The following FUS variants were observed in gnomAD, a reference collection of about 807,000 sequenced individuals.
FUS encodes the protein FUS RNA binding protein, also known as RNA-binding protein FUS.
A neutral mutation model predicts 82.7 loss-of-function variants in FUS; 5 were observed. That is an observed-to-expected ratio of 0.06 (90% confidence interval 0.03 to 0.13). The LOEUF (loss-of-function observed/expected upper bound fraction) is 0.13. FUS is among the 10% of genes least tolerant of loss of function. The pLI is 1.00. For synonymous variants in FUS, 281 were observed against 247.4 expected (o/e 1.14, Z -1.27); for missense variants, 512 against 707.8 (o/e 0.72, Z 3.14).
intron 7 of FUS, 30 bp from the exon 8 acceptor site, chr16:31,188,295 T>A: frequency 6.2e-7 from 1 of 1,610,642 alleles, no homozygotes; most frequent in Non-Finnish European, 8.5e-7. Context: ...TTTTGTTTTT[T>A]TTTTGTTCTT....
chr16:31,187,263 A>C (rs1436016696), intron 7 of FUS: 2 of 304,518 alleles, frequency 6.6e-6, no homozygotes, highest in Non-Finnish European at 1.3e-5. Flanking sequence ...TAATTCTGGA[A>C]GAGGGATGTA....
chr16:31,192,117 G>T (rs368791717), downstream of FUS: 6 of 531,426 alleles, frequency 1.1e-5, no homozygotes, highest in Non-Finnish European at 2.2e-5. Context: ...CTTCCTAGCT[G>T]CCCTGGTGAA....
chr16:31,188,848 T>C (rs1425938474), intron 8 of FUS: 3 of 518,952 alleles, frequency 5.8e-6, no homozygotes, highest in South Asian at 4.5e-5. Context: ...GATGGACTTT[T>C]CTGTGTGGTC....
chr16:31,188,809 G>A lies in FUS; in HGVS notation c.833-314G>A, dbSNP rs1052030930. 5.3e-5 allele frequency: 25 copies of A among 474,342 alleles called. No individual in the cohort carries two copies. The Admixed American group carries it at 9.7e-4, about 18-fold the overall frequency. The allele number at this position is 474,342 out of a possible 1,614,324, so 29.4% of individuals were successfully genotyped here. A position where few individuals can be genotyped will look rare whatever the true frequency, so the allele number is the denominator to read the frequency against. Reference sequence around the variant, plus strand: ...AAAATGGGTTTCTTATTTAATTCGGGGACCTTCAACTGAAAGTTGATAAAT... The same window carrying A: ...AAAATGGGTTTCTTATTTAATTCGGAGACCTTCAACTGAAAGTTGATAAAT... On this transcript the variant is annotated intron_variant, in intron 8 of 14. Coordinates refer to ENST00000254108, the MANE Select transcript of FUS (RefSeq NM_004960.4).
At chr16:31,189,580 A>AT in intron 9 of FUS, 85 bp from the exon 10 acceptor site, 1 of 1,588,332 alleles carries the variant, frequency 6.3e-7, no homozygotes, top group Admixed American at 1.7e-5. Context: ...TTTGGGAATT[A>AT]TAAACCTCAT....
chr16:31,186,321 G>A (rs907063704), intron 6 of FUS: 4 of 309,096 alleles, frequency 1.3e-5, no homozygotes, highest in Non-Finnish European at 6.1e-6. Flanking sequence ...AGGGGAAGTT[G>A]CCTTTGGTTT....
downstream of FUS, chr16:31,194,740 C>T (rs548879161): frequency 8.3e-6 from 4 of 484,684 alleles, no homozygotes; most frequent in Admixed American, 9.2e-5. Context: ...TGAGAACATA[C>T]AAAGCCACTC....
At chr16:31,191,744 T>G, downstream of FUS, 1 of 635,116 alleles carries the variant, frequency 1.6e-6, no homozygotes, top group South Asian at 1.5e-5. Context: ...ATGATATCCT[T>G]GAGAGCAGAG....
downstream of FUS, chr16:31,193,726 C>T (rs1418881668): frequency 1.7e-5 from 9 of 531,608 alleles, no homozygotes; most frequent in South Asian, 6.1e-5. Flanking sequence ...AACATTGGTG[C>T]CTCTCAAGCC....
intron 14 of FUS, 69 bp from the exon 15 acceptor site, chr16:31,191,330 A>G (rs1373414081): frequency 1.9e-6 from 3 of 1,588,236 alleles, no homozygotes; most frequent in Non-Finnish European, 2.6e-6. Context: ...GGCAGATAGG[A>G]TATCTAGGCT....
intron 1 of FUS, among the ~76,000 whole-genome samples, chr16:31,181,466 C>G (rs1034149439): frequency 2.6e-5 from 4 of 152,128 alleles, no homozygotes; most frequent in Non-Finnish European, 5.9e-5. Context: ...GACTCGAGTA[C>G]CTGTTGACTT....
intron 7 of FUS, chr16:31,187,955 C>G (rs2144125341): frequency 3.0e-6 from 1 of 334,984 alleles, no homozygotes; most frequent in Non-Finnish European, 5.6e-6. Flanking sequence ...GAGCCCATCT[C>G]TCTTCTCTCG....
intron 3 of FUS, 89 bp from the exon 4 acceptor site, chr16:31,183,769 G>A (rs760734970): frequency 6.6e-6 from 10 of 1,510,820 alleles, no homozygotes; most frequent in Non-Finnish European, 9.2e-6. Flanking sequence ...CTGGCTTTAT[G>A]AGTATAGGTA....
At chr16:31,193,469 G>C (rs1174716287), downstream of FUS, 1 of 528,038 alleles carries the variant, frequency 1.9e-6, no homozygotes, top group Admixed American at 2.2e-5. Context: ...GCTTTGCCTA[G>C]CAGGATTCTA....
chr16:31,183,325 G>A (rs1423714513), intron 3 of FUS: 1 of 168,388 alleles, frequency 5.9e-6, no homozygotes, highest in Non-Finnish European at 1.3e-5. Flanking sequence ...TTGTGATTCT[G>A]TTTCCATTTA....
rs367552345 is a variant in FUS, at chr16:31,180,173, T to C, written c.-42T>C. On this transcript the variant is annotated 5_prime_UTR_variant, in exon 1 of 15. Coordinates refer to ENST00000254108, the MANE Select transcript of FUS (RefSeq NM_004960.4). The stretch of plus-strand genomic sequence containing the variant: ...TCCAGGCGTCGGTACTCAGCGGTGT[T>C]GGAACTTCGTTGCTTGCTTGCCTGT... 4 of 1,606,326 alleles carry C rather than the reference T, an allele frequency of 2.5e-6. No individual in the cohort carries two copies. Among genetic ancestry groups the C allele is most frequent in the Admixed American group, 1.7e-5 (1 of 58,782 alleles).
At chr16:31,194,473 T>C (rs1168358330), downstream of FUS, 2 of 500,652 alleles carry the variant, frequency 4.0e-6, no homozygotes, top group East Asian at 4.5e-5. Context: ...TTTTTTTGTA[T>C]TTTTTGTGGA....
rs751421706 is a variant in FUS at position 31,188,321 on chromosome 16, A to G, written c.800-4A>G. On this transcript the variant is annotated splice_region_variant and splice_polypyrimidine_tract_variant and intron_variant, in intron 7 of 14. Transcript: ENST00000254108. ...TTTTGTTCTTTTTTTCCATGTCACTAAAGGCCCTCGGGACCAAGGATCACG... is the reference window on the plus strand; with the variant it reads ...TTTTGTTCTTTTTTTCCATGTCACTGAAGGCCCTCGGGACCAAGGATCACG... 2.5e-6 allele frequency: 4 copies of G among 1,611,848 alleles called. No individual in the cohort carries two copies. In the South Asian group the frequency reaches 3.3e-5, roughly 13 times the overall value.
At chr16:31,191,202 G>A (rs914245792) in intron 14 of FUS, 92 bp downstream of exon 14, 1 of 1,549,280 alleles carries the variant, frequency 6.5e-7, no homozygotes, top group Non-Finnish European at 8.8e-7. Flanking sequence ...TCATTTTGAG[G>A]GCTAGGTGGA....
Sources: gnomAD v4.1 joint callset for allele counts (sites outside exome capture counted in the v4.1 genomes callset) on GRCh38, gnomAD v4.1.1 for gene constraint, MANE v1.5 for transcripts, NCBI Gene and HGNC (gene_info 2026-07-23, HGNC 2026-07-21) for gene names.